Variants in DCC observed in about 807,000 individuals in gnomAD.
DCC encodes the protein netrin receptor DCC.
DCC carries 58 observed loss-of-function variants against 172.5 expected under a neutral mutation model. That is an observed-to-expected ratio of 0.34 (90% CI 0.27 to 0.42). The LOEUF is 0.42. Among genes scored for constraint, DCC ranks in the 10% least tolerant of loss-of-function variants. DCC has a pLI of 1.00. For synonymous variants in DCC, 709 were observed against 644.5 expected (o/e 1.10, Z -1.52); for missense variants, 1,740 against 1,791.0 (o/e 0.97, Z 0.51).
At chr18:52,373,355 AG>A (rs1985206498) in intron 1 of DCC, among the ~76,000 whole-genome samples, 1 of 152,122 alleles carries the variant, frequency 6.6e-6, no homozygotes, top group Admixed American at 6.5e-5. Flanking sequence ...TCTACTTTTG[AG>A]GGGGCTTTCA....
chr18:53,018,424 T>C (rs1156427529), intron 5 of DCC, among the ~76,000 whole-genome samples: 1 of 152,196 alleles, frequency 6.6e-6, no homozygotes, highest in Admixed American at 6.5e-5. Flanking sequence ...ACGTCTCCTC[T>C]TTTTTTGTGC....
chr18:53,139,644 T>G (rs2043801189), intron 7 of DCC, among the ~76,000 whole-genome samples: 1 of 152,196 alleles, frequency 6.6e-6, no homozygotes, highest in Admixed American at 6.5e-5. Flanking sequence ...AGGAGTTAGC[T>G]GCTGCTATTG....
intron 12 of DCC, among the ~76,000 whole-genome samples, chr18:53,226,948 A>ATATATTTTTTTTTTTT: frequency 5.7e-5 from 3 of 52,954 alleles, no homozygotes; most frequent in African/African-American, 1.9e-4. Context: ...ATATATATAT[A>ATATATTTTTTTTTTTT]TTTTTTTTTT....
intron 9 of DCC, among the ~76,000 whole-genome samples, chr18:53,179,804 T>G (rs529691083): frequency 1.3e-5 from 2 of 152,348 alleles, no homozygotes; most frequent in African/African-American, 4.8e-5. Context: ...TCTTGTGCAT[T>G]TCTAATGTTT....
chr18:53,518,340 G>A (rs2046361936), intron 27 of DCC, among the ~76,000 whole-genome samples: 2 of 152,104 alleles, frequency 1.3e-5, no homozygotes, highest in Admixed American at 1.3e-4. Flanking sequence ...ACCATGCTGT[G>A]CATTGGCCTC....
intron 2 of DCC, among the ~76,000 whole-genome samples, chr18:52,806,456 CTT>C (rs2038085698): frequency 1.3e-5 from 2 of 152,110 alleles, no homozygotes; most frequent in African/African-American, 4.8e-5. Flanking sequence ...GGGTCTTTAC[CTT>C]TTTAGTGCCC....
At chr18:52,366,364 C>A (rs898740204) in intron 1 of DCC, among the ~76,000 whole-genome samples, 1 of 152,138 alleles carries the variant, frequency 6.6e-6, no homozygotes, top group Non-Finnish European at 1.5e-5. Context: ...CAAGGGGACC[C>A]GAGCGGGTTG....
chr18:52,616,554 T>C (rs2034385459), intron 1 of DCC, among the ~76,000 whole-genome samples: 1 of 152,126 alleles, frequency 6.6e-6, no homozygotes, highest in African/African-American at 2.4e-5. Flanking sequence ...CAATTACATT[T>C]GCATTTGAGA....
intron 1 of DCC, among the ~76,000 whole-genome samples, chr18:52,357,946 A>AAAT: frequency 6.9e-6 from 1 of 144,228 alleles, no homozygotes; most frequent in Non-Finnish European, 1.5e-5. Flanking sequence ...TAAAAAAAAA[A>AAAT]AAAAAAAAAA....
chr18:52,537,036 G>A lies in DCC; in HGVS notation c.91+196158G>A, dbSNP rs182006333. On this transcript the variant is annotated intron_variant, in intron 1 of 28. Coordinates refer to ENST00000442544, the MANE Select transcript of DCC (RefSeq NM_005215.4). ...TAAGAGAGTGCAGGGAGCTAGTGCT[G>A]TTAAAGTGGCAGGCTATTGGATTTG... 2.3e-3 allele frequency among the ~76,000 whole-genome samples: 351 copies of A among 152,276 alleles called. 10 individuals are homozygous for A. Among genetic ancestry groups the A allele is most frequent in the Admixed American group, 0.021 (319 of 15,296 alleles).
At chr18:52,355,056 A>T (rs1166985997) in intron 1 of DCC, among the ~76,000 whole-genome samples, 6 of 152,230 alleles carry the variant, frequency 3.9e-5, no homozygotes, top group Non-Finnish European at 8.8e-5. Context: ...AACAAGATAA[A>T]GTAGGTGAAT....
intron 2 of DCC, among the ~76,000 whole-genome samples, chr18:52,777,304 C>T (rs1046521025): frequency 1.7e-5 from 1 of 60,448 alleles, no homozygotes; most frequent in Non-Finnish European, 3.9e-5. Flanking sequence ...ACCACAGTGG[C>T]CCTGAAGGCC....
At position 53,179,078 on chromosome 18, in the gene DCC, A is replaced by G. The variant is rs372413837; in HGVS notation, c.1535A>G (p.Glu512Gly). ...GCTTACAATGAATGGGGACCGGGAG[A>G]GAGTTCTCAACCCATCAAGGTGGCC... is the stretch of plus-strand genomic sequence containing the variant. The part of the protein sequence containing the change: ...VVAYNEWGPG[E>G]SSQPIKVATQ... The change falls in exon 9 of 29, where the codon GAG becomes GGG. Residue 512 changes from glutamate (E) to glycine (G), a missense_variant. Glu to Gly is a moderately conservative substitution (Grantham distance 98). Around this residue, in one of 2 missense-constraint regions of DCC, gnomAD observed 1,732 missense variants for 1,767.4 expected, o/e 0.98. Coordinates refer to ENST00000442544, the MANE Select transcript of DCC (RefSeq NM_005215.4). The G allele has an allele frequency of 6.2e-6, 10 of 1,613,992 alleles. No individual in the cohort carries two copies. Among genetic ancestry groups the G allele is most frequent in the Non-Finnish European group, 4.2e-6 (5 of 1,179,928 alleles).
intron 1 of DCC, among the ~76,000 whole-genome samples, chr18:52,397,252 A>G (rs551237271): frequency 1.3e-5 from 2 of 152,084 alleles, no homozygotes; most frequent in South Asian, 4.2e-4. Context: ...AGCTCCCAAA[A>G]CGCATACTTC....
chr18:52,645,502 T>C (rs1242333089), intron 1 of DCC, among the ~76,000 whole-genome samples: 1 of 152,166 alleles, frequency 6.6e-6, no homozygotes, highest in Admixed American at 6.5e-5. Flanking sequence ...CTGAAAATTT[T>C]AAAAAACAGC....
intron 7 of DCC, among the ~76,000 whole-genome samples, chr18:53,098,719 G>T (rs2043121608): frequency 6.6e-6 from 1 of 152,072 alleles, no homozygotes; most frequent in Non-Finnish European, 1.5e-5. Context: ...TTTATAATTT[G>T]TTTTCTGGCT....
intron 5 of DCC, among the ~76,000 whole-genome samples, chr18:53,037,165 A>G (rs1441940113): frequency 1.3e-5 from 2 of 151,930 alleles, no homozygotes; most frequent in African/African-American, 4.8e-5. Flanking sequence ...TCCATCCCAC[A>G]GCTAGAGATT....
intron 15 of DCC, among the ~76,000 whole-genome samples, chr18:53,357,381 T>G (rs1240640730): frequency 6.6e-6 from 1 of 152,188 alleles, no homozygotes; most frequent in African/African-American, 2.4e-5. Context: ...AATTACAATG[T>G]TAACTTCAGC....
rs1485592701 is a variant in DCC at position 53,446,111 on chromosome 18, AAAAC to A, written c.3230-4385_3230-4382del. 2.2e-4 allele frequency among the ~76,000 whole-genome samples: 31 copies of A among 137,798 alleles called. 1 individual carries two copies. Among genetic ancestry groups the A allele is most frequent in the East Asian group, 9.8e-4 (5 of 5,108 alleles). 90.4% of individuals were successfully genotyped at this position (137,798 alleles called of 152,430 possible). A position where few individuals can be genotyped will look rare whatever the true frequency, so the allele number is the denominator to read the frequency against. ...ACCCTGTCTCTACAAAAAAAAAAAA[AAAAC>A]AAAAAAAAACACTTAAAAATTTTCC... On this transcript the variant is annotated intron_variant, in intron 22 of 28. Transcript: ENST00000442544.
Sources: gnomAD v4.1 joint callset for allele counts (sites outside exome capture counted in the v4.1 genomes callset) on GRCh38, gnomAD v4.1.1 for gene constraint, gnomAD v4.1.1 regional missense constraint, MANE v1.5 for transcripts, NCBI Gene and HGNC (gene_info 2026-07-23, HGNC 2026-07-21) for gene names.